CYP2R1: variants seen among roughly 807,000 people sequenced by gnomAD.
CYP2R1 encodes cytochrome P450 family 2 subfamily R member 1, also known as vitamin D 25-hydroxylase.
Under a neutral mutation model 45.7 loss-of-function variants are expected in CYP2R1, and 40 were observed. That is an observed-to-expected ratio of 0.87 (90% CI 0.68 to 1.14). The LOEUF (loss-of-function observed/expected upper bound fraction) is 1.14. Among genes scored for constraint, CYP2R1 ranks in the 50% most tolerant of loss-of-function variants. CYP2R1 has a pLI of 0.00. For synonymous variants in CYP2R1, 234 were observed against 219.3 expected, an observed-to-expected ratio of 1.07 and a Z score of -0.59; for missense variants, 605 against 602.6, an observed-to-expected ratio of 1.00 and a Z score of -0.04.
rs550304404 is a variant in CYP2R1 at position 14,879,429 on chromosome 11, C to T, written c.1015G>A (p.Glu339Lys). The T allele has an allele frequency of 1.2e-6, 2 of 1,601,790 alleles. No homozygotes were observed. Among genetic ancestry groups the T allele is most frequent in the Admixed American group, 1.7e-5 (1 of 59,768 alleles). The change falls in exon 4 of 5, where the codon GAG becomes AAG. Residue 339 changes from glutamate (E) to lysine (K), a missense_variant. By Grantham distance (56) the Glu-to-Lys change is moderately conservative. Coordinates refer to ENST00000334636, the MANE Select transcript of CYP2R1 (RefSeq NM_024514.5). ...TTAGGGCCCATAATTAAATCAATCTCTTTCTGAACTTGTCCTGTCAGAGAA... is the reference window on the plus strand; with the variant it reads ...TTAGGGCCCATAATTAAATCAATCTTTTTCTGAACTTGTCCTGTCAGAGAA... ...YPNIQGQVQK[E>K]IDLIMGPNGK...
chr11:14,891,800 C>A (rs1848868662), intron 1 of CYP2R1, 181 bp downstream of exon 1: 5 of 1,408,464 alleles, frequency 3.5e-6, no homozygotes, highest in Non-Finnish European at 4.6e-6. Flanking sequence ...TGCAAGGGGG[C>A]ACGGCGTCGA....
rs781997254 is a variant in CYP2R1 at position 14,879,323 on chromosome 11, A to G, written c.1121T>C (p.Ile374Thr). The G allele has an allele frequency of 1.2e-5, 19 of 1,612,986 alleles. No homozygotes were observed. Among genetic ancestry groups the G allele is most frequent in the Non-Finnish European group, 1.3e-5 (15 of 1,179,530 alleles). The change falls in exon 4 of 5, where the codon ATA becomes ACA. Residue 374 changes from isoleucine (I) to threonine (T), a missense_variant. Transcript: ENST00000334636. ...VLHEVLRFCN[I>T]VPLGIFHATS... is the part of the protein sequence containing the mutation. ...TGCATGGAAAATCCCTAATGGAACT[A>G]TATTACAGAATCTTAAAACTTCATG... is the stretch of plus-strand genomic sequence containing the variant.
chr11:14,892,392 A>G (rs1555017571), upstream of CYP2R1: 2 of 628,552 alleles, frequency 3.2e-6, no homozygotes, highest in African/African-American at 1.8e-5. Flanking sequence ...CTGAGAGTGG[A>G]CTTTGCGGAG....
At chr11:14,889,127 T>C (rs1231693902) in intron 1 of CYP2R1, among the ~76,000 whole-genome samples, 3 of 151,878 alleles carry the variant, frequency 2.0e-5, no homozygotes, top group Admixed American at 1.3e-4. Context: ...CGGGTGTCAC[T>C]TGAAGTGACT....
intron 1 of CYP2R1, chr11:14,890,877 T>A (rs1443994504): frequency 1.0e-6 from 1 of 985,260 alleles, no homozygotes; most frequent in Admixed American, 6.2e-5. Flanking sequence ...AAAATTGGTT[T>A]AAGTAAGGAT....
At position 14,880,433 on chromosome 11, in the gene CYP2R1, T is replaced by C; in HGVS notation, c.703A>G (p.Ile235Val). 1.9e-6 allele frequency: 3 copies of C among 1,613,408 alleles called. No individual in the cohort carries two copies. The highest frequency in any genetic ancestry group is 1.7e-6 in the Non-Finnish European group (2 of 1,179,676). Residue 235 changes from isoleucine (I) to valine (V), a missense_variant, in exon 3 of 5, where the codon ATT (isoleucine) becomes GTT (valine). Physicochemically the swap from Ile to Val is conservative, Grantham distance 29. Coordinates refer to ENST00000334636, the MANE Select transcript of CYP2R1 (RefSeq NM_024514.5). ...SVFLYNAFPWIGILPFGKHQQ... is the reference protein window; with the variant it reads ...SVFLYNAFPWVGILPFGKHQQ... Reference sequence around the variant, plus strand: ...TGTTTTCCAAAAGGCAGGATGCCAATCCATGGAAAGGCATTATACAAGAAG... The same window carrying C: ...TGTTTTCCAAAAGGCAGGATGCCAACCCATGGAAAGGCATTATACAAGAAG...
At chr11:14,879,045 A>T (rs902705636) in intron 4 of CYP2R1, 69 bp downstream of exon 4, 4 of 1,247,546 alleles carry the variant, frequency 3.2e-6, no homozygotes, top group Non-Finnish European at 4.7e-6. Context: ...GCTTCAGATT[A>T]AGATGCTGTA....
intron 1 of CYP2R1, chr11:14,891,010 C>G: frequency 1.0e-6 from 1 of 985,466 alleles, no homozygotes. Context: ...CTGCCAACTC[C>G]TTAAAAGGCT....
In CYP2R1 at chr11:14,880,381, A is replaced by G. The variant is rs1191101158; in HGVS notation, c.755T>C (p.Val252Ala). The change falls in exon 3 of 5, where the codon GTA becomes GCA. Residue 252 changes from valine to alanine, a missense_variant. Physicochemically the swap from Val to Ala is moderately conservative, Grantham distance 64. Transcript: ENST00000334636. The stretch of plus-strand genomic sequence containing the variant: ...GAGTCTGGAGAGAAAATCATAGACT[A>G]CAGCTGCATTTCTAAACAGCTGTTG... ...KHQQLFRNAA[V>A]VYDFLSRLIE... 6.2e-7 allele frequency: 1 copy of G among 1,613,324 alleles called. No homozygotes were observed. Among genetic ancestry groups the G allele is most frequent in the African/African-American group, 1.3e-5 (1 of 74,900 alleles).
intron 1 of CYP2R1, chr11:14,890,382 A>C (rs966271376): frequency 2.5e-5 from 18 of 722,874 alleles, no homozygotes; most frequent in Non-Finnish European, 3.0e-5. Flanking sequence ...AATAAACTCA[A>C]TTCTGGGAGA....
In CYP2R1 at chr11:14,879,403, A is replaced by G; in HGVS notation, c.1041T>C (p.Asn347=). The stretch of plus-strand genomic sequence containing the variant: ...ATTTGTCGTCCCAAGAAGGCTTCCC[A>G]TTAGGGCCCATAATTAAATCAATCT... ...QKEIDLIMGP[N]GKPSWDDKCK... Residue 347 remains asparagine, a synonymous_variant, in exon 4 of 5, where the codon AAT becomes AAC. Transcript: ENST00000334636. 4.4e-6 allele frequency: 7 copies of G among 1,606,704 alleles called. No individual in the cohort carries two copies. Among genetic ancestry groups the G allele is most frequent in the Non-Finnish European group, 5.1e-6 (6 of 1,179,360 alleles).
At chr11:14,883,765 A>C (rs1257621156) in intron 2 of CYP2R1, among the ~76,000 whole-genome samples, 10 of 152,188 alleles carry the variant, frequency 6.6e-5, no homozygotes, top group African/African-American at 2.4e-4. Context: ...AAATGGGAGA[A>C]AATTTTTGCA....
At chr11:14,887,246 A>G (rs948689967) in intron 1 of CYP2R1, 6 of 152,236 alleles carry the variant, frequency 3.9e-5, no homozygotes, top group Non-Finnish European at 8.8e-5. Context: ...CAGAGGGCAA[A>G]TGTATTTCAG....
In CYP2R1 at chr11:14,887,722, A is replaced by T. The variant is rs1421098712; in HGVS notation, c.226-1805T>A. On this transcript the variant is annotated intron_variant, in intron 1 of 4. Transcript: ENST00000334636. ...CACTCTCCCAGTTAATGACCACTCCATACATCCTTCAAGTGGTTGAGGCCC... is the reference window on the plus strand; with the variant it reads ...CACTCTCCCAGTTAATGACCACTCCTTACATCCTTCAAGTGGTTGAGGCCC... 6 of 775,928 alleles carry T rather than the reference A, an allele frequency of 7.7e-6. No homozygotes were observed. The African/African-American group carries it at 1.1e-4, about 15-fold the overall frequency. 48.1% of individuals were successfully genotyped at this position (775,928 alleles called of 1,614,324 possible). A position where few individuals can be genotyped will look rare whatever the true frequency, so the allele number is the denominator to read the frequency against.
At chr11:14,890,323 G>T in intron 1 of CYP2R1, 1 of 255,666 alleles carries the variant, frequency 3.9e-6, no homozygotes, top group Non-Finnish European at 6.1e-6. Context: ...TTATGATGCT[G>T]TGTACCAAGA....
chr11:14,886,545 G>A (rs1848627503), intron 1 of CYP2R1: 1 of 153,246 alleles, frequency 6.5e-6, no homozygotes, highest in African/African-American at 2.4e-5. Context: ...TCTCAGTTAA[G>A]GGGAAGGCAA....
chr11:14,881,810 C>T lies in CYP2R1; in HGVS notation c.368-1042G>A, dbSNP rs180763416. 1.1e-3 allele frequency among the ~76,000 whole-genome samples: 162 copies of T among 152,156 alleles called. 1 individual carries two copies. Among genetic ancestry groups the T allele is most frequent in the Non-Finnish European group, 1.8e-3 (124 of 67,962 alleles). On this transcript the variant is annotated intron_variant, in intron 2 of 4. Coordinates refer to ENST00000334636, the MANE Select transcript of CYP2R1 (RefSeq NM_024514.5). Reference sequence around the variant, plus strand: ...AGATGGCCTCAACAGAAGCAGATGCCAGCACCATGCTTCCTATAAAGTGTG... The same window carrying T: ...AGATGGCCTCAACAGAAGCAGATGCTAGCACCATGCTTCCTATAAAGTGTG...
At chr11:14,878,360 T>A in intron 4 of CYP2R1, 63 bp from the exon 5 acceptor site, 1 of 1,475,510 alleles carries the variant, frequency 6.8e-7, no homozygotes, top group Non-Finnish European at 9.4e-7. Context: ...AATTAATGTC[T>A]AATATTTGGA....
chr11:14,887,195 AAG>A (rs1555014982), intron 1 of CYP2R1: 1 of 152,210 alleles, frequency 6.6e-6, no homozygotes, highest in Non-Finnish European at 1.5e-5. Flanking sequence ...AGGATAGTAA[AAG>A]AGCCATGAAC....
Sources: allele counts gnomAD v4.1 joint callset (sites outside exome capture counted in the v4.1 genomes callset), GRCh38; gene constraint gnomAD v4.1.1; transcripts MANE v1.5; gene names NCBI Gene and HGNC (gene_info 2026-07-23, HGNC 2026-07-21).